Variants in CCDC171 observed in about 807,000 individuals in gnomAD.
The protein encoded by CCDC171 is coiled-coil domain containing 171, also known as coiled-coil domain-containing protein 171.
CCDC171 carries 177 observed loss-of-function variants against 168.2 expected under a neutral mutation model. The ratio of observed to expected loss-of-function variants is 1.05; its 90% CI spans 0.93 to 1.19. The LOEUF is 1.19. Ranked by LOEUF, CCDC171 falls within the 50% of genes most tolerant of loss-of-function variation. The pLI, the probability that CCDC171 is intolerant of heterozygous loss-of-function variation, is 0.00. For synonymous variants in CCDC171, 687 were observed against 540.8 expected, an observed-to-expected ratio of 1.27 and a Z score of -3.75; for missense variants, 1,991 against 1,539.0, an observed-to-expected ratio of 1.29 and a Z score of -4.91.
chr9:15,683,459 G>C (rs963742751), intron 10 of CCDC171, among the ~76,000 whole-genome samples: 1 of 151,848 alleles, frequency 6.6e-6, no homozygotes, highest in East Asian at 1.9e-4. Flanking sequence ...ATTCTATTCT[G>C]ATTTTTTACT....
rs1448109633 is a variant in CCDC171 at position 15,695,288 on chromosome 9, A to G, written c.1269A>G (p.Glu423=). ...LVETCENNVK[E]LESILDSFTV... is the part of the protein sequence containing the mutation. ...AGACATGTGAAAATAACGTGAAAGA[A>G]TTGGAATCGATCTTGGACAGCTTTA... Residue 423 remains glutamate (E), a synonymous_variant, in exon 11 of 26, where the codon GAA becomes GAG. Transcript: ENST00000380701. 6.2e-6 allele frequency: 10 copies of G among 1,614,148 alleles called. No homozygotes were observed. In the South Asian group the frequency reaches 9.9e-5, roughly 16 times the overall value.
Position 15,696,887 on chromosome 9 carries a change from A to C in CCDC171, c.1318+1550A>C, listed in dbSNP as rs550108500. Among the ~76,000 whole-genome samples the C allele has an allele frequency of 3.3e-5, 5 of 152,300 alleles. No individual in the cohort carries two copies. In the East Asian group the frequency reaches 9.6e-4, roughly 29 times the overall value. Reference sequence around the variant, plus strand: ...TATAGATGCATACTTTGTGTATTCCAGGGAATGTGTTCCTGCGAAAGGACT... The same window carrying C: ...TATAGATGCATACTTTGTGTATTCCCGGGAATGTGTTCCTGCGAAAGGACT... On this transcript the variant is annotated intron_variant, in intron 11 of 25. Transcript: ENST00000380701.
chr9:15,826,232 A>C (rs1352025258), intron 21 of CCDC171, among the ~76,000 whole-genome samples: 6 of 152,090 alleles, frequency 3.9e-5, no homozygotes. Context: ...GGTGTTTAAC[A>C]AGCAAATATT....
intron 21 of CCDC171, among the ~76,000 whole-genome samples, chr9:15,791,169 T>C (rs1288786556): frequency 6.6e-6 from 1 of 152,214 alleles, no homozygotes; most frequent in African/African-American, 2.4e-5. Flanking sequence ...TGGCACTGAA[T>C]GTATAAATTA....
chr9:15,924,898 A>T (rs1454590385), intron 25 of CCDC171, among the ~76,000 whole-genome samples: 1 of 151,384 alleles, frequency 6.6e-6, no homozygotes, highest in East Asian at 1.9e-4. Flanking sequence ...TCTTCTTTAA[A>T]CACTCATCTC....
chr9:15,814,757 A>G (rs1446482218), intron 21 of CCDC171, among the ~76,000 whole-genome samples: 1 of 152,268 alleles, frequency 6.6e-6, no homozygotes, highest in South Asian at 2.1e-4. Context: ...GTAAAATTAC[A>G]GATCTACTGA....
chr9:15,807,455 G>T (rs1453901479), intron 21 of CCDC171, among the ~76,000 whole-genome samples: 13 of 152,082 alleles, frequency 8.5e-5, no homozygotes, highest in Non-Finnish European at 1.9e-4. Context: ...GTAAGGACGG[G>T]GATAGAATAA....
At chr9:15,676,480 C>G (rs1190027946) in intron 9 of CCDC171, among the ~76,000 whole-genome samples, 1 of 151,952 alleles carries the variant, frequency 6.6e-6, no homozygotes, top group Non-Finnish European at 1.5e-5. Context: ...GCGTTGATCT[C>G]TGTGGGAGCT....
At chr9:16,093,458 T>G in the CCDC171 span, among the ~76,000 whole-genome samples, 1 of 152,230 alleles carries the variant, frequency 6.6e-6, no homozygotes, top group African/African-American at 2.4e-5. Context: ...CACTAACATT[T>G]CTTTTGAAGG....
intron 7 of CCDC171, among the ~76,000 whole-genome samples, chr9:15,655,743 G>A (rs986692335): frequency 6.6e-6 from 1 of 152,140 alleles, no homozygotes; most frequent in African/African-American, 2.4e-5. Flanking sequence ...AAAAAATGGT[G>A]AAAATATTTG....
Position 15,777,832 on chromosome 9 carries a change from T to C in CCDC171, c.2898+6T>C, listed in dbSNP as rs1188545616. 2.6e-6 allele frequency: 4 copies of C among 1,565,042 alleles called. No homozygotes were observed. The highest frequency in any genetic ancestry group is 3.5e-6 in the Non-Finnish European group (4 of 1,157,124). ...GTGGCCATGTGCCCATTACGGTATG[T>C]ATACACTTTCATTTAGTAGTAACCT... On this transcript the variant is annotated splice_donor_region_variant and intron_variant, in intron 19 of 25. Coordinates refer to ENST00000380701, the MANE Select transcript of CCDC171 (RefSeq NM_173550.4).
At chr9:16,046,447 T>G (rs1833660501) in intron 1 of CCDC171, among the ~76,000 whole-genome samples, 1 of 152,160 alleles carries the variant, frequency 6.6e-6, no homozygotes, top group South Asian at 2.1e-4. Context: ...TTGGAAAAGC[T>G]CTGGCAAAAG....
intron 18 of CCDC171, among the ~76,000 whole-genome samples, chr9:15,772,268 C>T (rs2057053269): frequency 6.6e-6 from 1 of 152,174 alleles, no homozygotes; most frequent in Non-Finnish European, 1.5e-5. Context: ...TTAGTTTCCA[C>T]CTCTCTTCTA....
chr9:16,009,316 C>G, intron 3 of CCDC171, among the ~76,000 whole-genome samples: 1 of 152,186 alleles, frequency 6.6e-6, no homozygotes, highest in East Asian at 1.9e-4. Context: ...TTTCCATCTG[C>G]ATTCCTGATA....
intron 7 of CCDC171, among the ~76,000 whole-genome samples, chr9:15,632,199 G>T (rs1299780405): frequency 2.8e-5 from 4 of 144,662 alleles, no homozygotes; most frequent in African/African-American, 9.9e-5. Flanking sequence ...GGAAATAAAG[G>T]GTATTCAGTT....
At chr9:15,694,216 C>T (rs1435928849) in intron 10 of CCDC171, among the ~76,000 whole-genome samples, 1 of 152,112 alleles carries the variant, frequency 6.6e-6, no homozygotes, top group Non-Finnish European at 1.5e-5. Context: ...GTCCTAGGCT[C>T]TTTTCATTTC....
intron 6 of CCDC171, among the ~76,000 whole-genome samples, chr9:15,594,631 A>C (rs1179250176): frequency 6.6e-6 from 1 of 152,152 alleles, no homozygotes; most frequent in Non-Finnish European, 1.5e-5. Context: ...TCTATAGTCC[A>C]ATTTGAAAAT....
intron 9 of CCDC171, among the ~76,000 whole-genome samples, chr9:15,668,089 A>T (rs901594324): frequency 6.6e-6 from 1 of 152,220 alleles, no homozygotes; most frequent in East Asian, 1.9e-4. Flanking sequence ...AATGATTAGG[A>T]CCTACAAGTA....
At chr9:15,944,694 C>T (rs931301209) in intron 25 of CCDC171, among the ~76,000 whole-genome samples, 1 of 151,860 alleles carries the variant, frequency 6.6e-6, no homozygotes, top group African/African-American at 2.4e-5. Flanking sequence ...TTGTTAATGC[C>T]ATTTCCTTTA....
Sources: allele counts gnomAD v4.1 joint callset (sites outside exome capture counted in the v4.1 genomes callset), GRCh38; gene constraint gnomAD v4.1.1; transcripts MANE v1.5; gene names NCBI Gene and HGNC (gene_info 2026-07-23, HGNC 2026-07-21).